ZNF469: variants seen among roughly 807,000 people sequenced by gnomAD.
The protein encoded by ZNF469 is zinc finger protein 469.
Under a neutral mutation model 1.0 loss-of-function variants are expected in ZNF469, and 1 was observed. The ratio of observed to expected loss-of-function variants is 1.00; its 90% CI spans 0.35 to 4.73. The LOEUF (loss-of-function observed/expected upper bound fraction) is 4.73. Ranked by LOEUF, ZNF469 falls within the 30% of genes most tolerant of loss-of-function variation. The probability of loss-of-function intolerance (pLI) is 0.16; values close to 1 mark genes in which losing one functional copy is unlikely to be tolerated. For synonymous variants in ZNF469, 2,703 were observed against 2,363.4 expected, an observed-to-expected ratio of 1.14 and a Z score of -4.17; for missense variants, 6,100 against 5,356.3, an observed-to-expected ratio of 1.14 and a Z score of -4.33.
At chr16:88,196,824 G>C in the ZNF469 span, among the ~76,000 whole-genome samples, 2 of 152,168 alleles carry the variant, frequency 1.3e-5, no homozygotes, top group Non-Finnish European at 2.9e-5. Flanking sequence ...GCACTGTTTT[G>C]TCCGATGCCA....
At chr16:88,420,758 C>G (rs1905432131) in intron 1 of ZNF469, among the ~76,000 whole-genome samples, 1 of 152,228 alleles carries the variant, frequency 6.6e-6, no homozygotes, top group Non-Finnish European at 1.5e-5. Flanking sequence ...CTGTTTAACC[C>G]TCTGACCACA....
the ZNF469 span, among the ~76,000 whole-genome samples, chr16:88,268,757 A>AT: frequency 1.1e-4 from 16 of 151,888 alleles, no homozygotes; most frequent in African/African-American, 2.7e-4. Flanking sequence ...CCACCATAAC[A>AT]TTTTTTTTGA....
the ZNF469 span, among the ~76,000 whole-genome samples, chr16:88,312,175 C>A: frequency 6.6e-6 from 1 of 152,162 alleles, no homozygotes; most frequent in Non-Finnish European, 1.5e-5. Flanking sequence ...GGGGAAACCA[C>A]CCCCATGATT....
In ZNF469 at chr16:88,430,837, G is replaced by A; in HGVS notation, c.3367G>A (p.Glu1123Lys). 6.5e-7 allele frequency: 1 copy of A among 1,535,766 alleles called. No homozygotes were observed. The highest frequency in any genetic ancestry group is 8.7e-7 in the Non-Finnish European group (1 of 1,146,084). Residue 1123 changes from glutamate to lysine, a missense_variant, in exon 3 of 3, where the codon GAA (glutamate) becomes AAA (lysine). Transcript: ENST00000565624. ...GRRGRGEKRK[E>K]VELTQGPRED... ...GCGGGGCCGAGGCGAGAAGAGGAAG[G>A]AAGTGGAGCTGACCCAGGGTCCCAG...
chr16:88,291,114 C>T, the ZNF469 span, among the ~76,000 whole-genome samples: 4 of 152,168 alleles, frequency 2.6e-5, no homozygotes, highest in Non-Finnish European at 4.4e-5. Context: ...CCAAGCAGGC[C>T]AAGGGATGCT....
chr16:88,368,255 C>A, the ZNF469 span, among the ~76,000 whole-genome samples: 3 of 152,350 alleles, frequency 2.0e-5, no homozygotes, highest in South Asian at 6.2e-4. Context: ...CTCCACAGAA[C>A]CCACGGGCAG....
the ZNF469 span, among the ~76,000 whole-genome samples, chr16:88,154,503 A>G: frequency 6.6e-6 from 1 of 152,170 alleles, no homozygotes; most frequent in Non-Finnish European, 1.5e-5. Flanking sequence ...TTTGGGAAGA[A>G]CCATGGTACC....
upstream of ZNF469, among the ~76,000 whole-genome samples, chr16:88,381,974 G>T (rs533307769): frequency 3.9e-5 from 6 of 152,254 alleles, no homozygotes; most frequent in Non-Finnish European, 7.3e-5. Context: ...TTGAACTTGC[G>T]TAAGTAAAGC....
At chr16:88,189,479 C>T in the ZNF469 span, among the ~76,000 whole-genome samples, 35 of 152,312 alleles carry the variant, frequency 2.3e-4, no homozygotes, top group Admixed American at 6.5e-4. The surrounding 1 kb of genome is among the most constrained non-coding windows in gnomAD (Gnocchi z 4.3). Flanking sequence ...GCCCCTGGGA[C>T]GTGCTCTCTA....
the ZNF469 span, among the ~76,000 whole-genome samples, chr16:88,272,741 G>C: frequency 2.3e-4 from 35 of 149,748 alleles, no homozygotes; most frequent in African/African-American, 8.2e-4. Context: ...TGGACGGATG[G>C]ATGAACGGGT....
the ZNF469 span, among the ~76,000 whole-genome samples, chr16:88,243,929 T>TATATAA: frequency 1.0e-5 from 1 of 98,540 alleles, no homozygotes; most frequent in Non-Finnish European, 2.1e-5. Context: ...TATATATATA[T>TATATAA]ATATATATAT....
At chr16:88,210,893 G>T in the ZNF469 span, among the ~76,000 whole-genome samples, 1 of 152,176 alleles carries the variant, frequency 6.6e-6, no homozygotes, top group African/African-American at 2.4e-5. Context: ...CTGTGCTAAC[G>T]TGTTTATTTT....
the ZNF469 span, among the ~76,000 whole-genome samples, chr16:88,268,273 T>C: frequency 6.6e-6 from 1 of 152,230 alleles, no homozygotes; most frequent in Non-Finnish European, 1.5e-5. Flanking sequence ...TAAGTCTCTG[T>C]GGTGCATTTG....
In ZNF469 at chr16:88,436,253, A is replaced by T. The variant is rs1449260777; in HGVS notation, c.8783A>T (p.Asp2928Val). The T allele has an allele frequency of 1.9e-6, 3 of 1,549,614 alleles. No individual in the cohort carries two copies. In the African/African-American group the frequency reaches 4.1e-5, roughly 21 times the overall value. ...CTCTGCCATGAGGACCCGTGGGAGG[A>T]CGAGGATCCCGCAGGTCTGCCCGAG... ...LCLCHEDPWEDEDPAGLPESF... is the reference protein window; with the variant it reads ...LCLCHEDPWEVEDPAGLPESF... The change falls in exon 3 of 3, where the codon GAC becomes GTC. Residue 2928 changes from aspartate (D) to valine (V), a missense_variant. Physicochemically the swap from Asp to Val is radical, Grantham distance 152 (BLOSUM62 -3). Transcript: ENST00000565624.
chr16:88,436,598 C>G lies in ZNF469; in HGVS notation c.9128C>G (p.Ala3043Gly), dbSNP rs1325027207. The part of the protein sequence containing the change: ...PGNTHLLPLR[A>G]TDFEVLSTKF... ...AACACCCACCTGCTGCCGCTCCGTGCCACGGACTTTGAGGTGCTCAGCACC... is the reference window on the plus strand; with the variant it reads ...AACACCCACCTGCTGCCGCTCCGTGGCACGGACTTTGAGGTGCTCAGCACC... The change falls in exon 3 of 3, where the codon GCC becomes GGC. Residue 3043 changes from alanine to glycine, a missense_variant. Physicochemically the swap from Ala to Gly is moderately conservative, Grantham distance 60 (BLOSUM62 0). Transcript: ENST00000565624. The G allele has an allele frequency of 6.5e-7, 1 of 1,550,236 alleles. No homozygotes were observed. The highest frequency in any genetic ancestry group is 1.7e-4 in the Middle Eastern group (1 of 5,992).
the ZNF469 span, among the ~76,000 whole-genome samples, chr16:88,290,877 G>A: frequency 3.9e-5 from 6 of 152,242 alleles, no homozygotes; most frequent in African/African-American, 1.4e-4. Context: ...CTTCAGGACA[G>A]CATCTTTCCA....
chr16:88,362,819 CCTT>C, the ZNF469 span, among the ~76,000 whole-genome samples: 1 of 152,186 alleles, frequency 6.6e-6, no homozygotes, highest in Non-Finnish European at 1.5e-5. Context: ...TTGTCACCCT[CCTT>C]TGTTTCTGAG....
chr16:88,380,920 TCACACAGACACGCACTCA>T (rs1218044692), upstream of ZNF469, among the ~76,000 whole-genome samples: 7 of 60,748 alleles, frequency 1.2e-4, no homozygotes, highest in Non-Finnish European at 1.9e-4. Context: ...AGACATGCAC[TCACACAGACACGCACTCA>T]CACACAGACA....
intron 1 of ZNF469, among the ~76,000 whole-genome samples, chr16:88,383,670 C>T (rs2142259780): frequency 6.6e-6 from 1 of 151,250 alleles, no homozygotes; most frequent in South Asian, 2.1e-4. Context: ...CATCGCGGAT[C>T]GGAGCCGGGG....
Sources: allele counts gnomAD v4.1 joint callset (sites outside exome capture counted in the v4.1 genomes callset), GRCh38; gene constraint gnomAD v4.1.1; non-coding constraint Gnocchi (gnomAD v3.1); transcripts MANE v1.5; gene names NCBI Gene and HGNC (gene_info 2026-07-23, HGNC 2026-07-21).